MAN1A1: variants seen among roughly 807,000 people sequenced by gnomAD.
The protein encoded by MAN1A1 is mannosidase alpha class 1A member 1, also known as mannosyl-oligosaccharide 1,2-alpha-mannosidase IA.
In MAN1A1, 29 loss-of-function variants were observed where a neutral mutation model predicts 70.8. That is an observed-to-expected ratio of 0.41 (90% CI 0.31 to 0.56). MAN1A1 has a LOEUF of 0.56. MAN1A1 is among the 20% of genes least tolerant of loss of function. The pLI, the probability that MAN1A1 is intolerant of heterozygous loss-of-function variation, is 0.29. For missense variants in MAN1A1, 747 were observed against 841.3 expected (o/e 0.89, Z 1.39); for synonymous variants, 349 against 330.1 (o/e 1.06, Z -0.62).
At chr6:119,301,633 C>T (rs1772391698) in intron 4 of MAN1A1, among the ~76,000 whole-genome samples, 1 of 152,192 alleles carries the variant, frequency 6.6e-6, no homozygotes, top group African/African-American at 2.4e-5. Context: ...TGACACACAA[C>T]CAGCTGTGCA....
chr6:119,198,605 A>T (rs1773636017), intron 8 of MAN1A1, among the ~76,000 whole-genome samples: 1 of 152,240 alleles, frequency 6.6e-6, no homozygotes, highest in Non-Finnish European at 1.5e-5. Context: ...CATGCCCATT[A>T]TGTTAACATA....
chr6:119,260,074 A>T (rs550269647), intron 5 of MAN1A1, among the ~76,000 whole-genome samples: 3 of 152,294 alleles, frequency 2.0e-5, no homozygotes, highest in African/African-American at 7.2e-5. Flanking sequence ...TGTATACAAC[A>T]TTCTATATCA....
chr6:119,205,647 G>T (rs1483464117), intron 6 of MAN1A1, among the ~76,000 whole-genome samples: 1 of 152,154 alleles, frequency 6.6e-6, no homozygotes, highest in African/African-American at 2.4e-5. Context: ...TACACATAAA[G>T]TGACTCCTGA....
At chr6:119,214,523 T>C (rs939678339) in intron 6 of MAN1A1, among the ~76,000 whole-genome samples, 1 of 152,136 alleles carries the variant, frequency 6.6e-6, no homozygotes, top group Non-Finnish European at 1.5e-5. Context: ...TTTTGTATTT[T>C]TGTTTTGTGT....
chr6:119,316,931 A>G (rs1292107459), intron 2 of MAN1A1, among the ~76,000 whole-genome samples: 1 of 150,064 alleles, frequency 6.7e-6, no homozygotes, highest in Non-Finnish European at 1.5e-5. Flanking sequence ...TTTAAATTAC[A>G]TTTTTTTATT....
At chr6:119,229,222 A>C (rs929672918) in intron 6 of MAN1A1, among the ~76,000 whole-genome samples, 18 of 151,994 alleles carry the variant, frequency 1.2e-4, no homozygotes, top group Non-Finnish European at 2.1e-4. Flanking sequence ...GACAAAAAAA[A>C]AAAAAACAAA....
chr6:119,250,539 T>C (rs974200614), intron 5 of MAN1A1, among the ~76,000 whole-genome samples: 1 of 152,206 alleles, frequency 6.6e-6, no homozygotes, highest in Non-Finnish European at 1.5e-5. Flanking sequence ...CAGGTAGTTG[T>C]AGTTTTTATG....
In MAN1A1 at chr6:119,275,277, ATTTTTTTTTTTTTTTTTTTTTTTTTT is replaced by A. The variant is rs869090504; in HGVS notation, c.897+15380_897+15405del. On this transcript the variant is annotated intron_variant, in intron 5 of 12. Coordinates refer to ENST00000368468, the MANE Select transcript of MAN1A1 (RefSeq NM_005907.4). Reference sequence around the variant, plus strand: ...AGGCATGCACCACCATACCCAGCTAATTTTTTTTTTTTTTTTTTTTTTTTTTTTTTTTTTTTTTTTTTTTTTTGAGA... The same window carrying A: ...AGGCATGCACCACCATACCCAGCTAATTTTTTTTTTTTTTTTTTTTTGAGA... Among the ~76,000 whole-genome samples, 137 of 52,876 alleles carry A rather than the reference ATTTTTTTTTTTTTTTTTTTTTTTTTT, an allele frequency of 2.6e-3. 2 individuals are homozygous for A. Among genetic ancestry groups the A allele is most frequent in the African/African-American group, 8.9e-3 (128 of 14,400 alleles). 34.7% of individuals were successfully genotyped at this position (52,876 alleles called of 152,430 possible).
At chr6:119,219,551 A>G (rs1045191987) in intron 6 of MAN1A1, among the ~76,000 whole-genome samples, 15 of 152,210 alleles carry the variant, frequency 9.9e-5, no homozygotes, top group African/African-American at 3.6e-4. Flanking sequence ...ATCTTTTTGG[A>G]TTAAGCAACT....
chr6:119,188,318 A>C, intron 11 of MAN1A1, 87 bp downstream of exon 11: 1 of 1,269,790 alleles, frequency 7.9e-7, no homozygotes, highest in Non-Finnish European at 1.1e-6. Flanking sequence ...AAATTATAGA[A>C]AAGTTGATAA....
At chr6:119,233,749 G>A (rs1774755313) in intron 6 of MAN1A1, among the ~76,000 whole-genome samples, 4 of 152,198 alleles carry the variant, frequency 2.6e-5, no homozygotes, top group Admixed American at 2.0e-4. Context: ...CACAAGAGAT[G>A]CTAGAGATTC....
At chr6:119,304,838 G>A (rs1469852644) in intron 3 of MAN1A1, among the ~76,000 whole-genome samples, 1 of 152,124 alleles carries the variant, frequency 6.6e-6, no homozygotes, top group Non-Finnish European at 1.5e-5. Flanking sequence ...AAGCCAGGTG[G>A]TAAAGAACTT....
chr6:119,186,458 T>C (rs1773294199), intron 11 of MAN1A1, among the ~76,000 whole-genome samples: 1 of 152,112 alleles, frequency 6.6e-6, no homozygotes, highest in Non-Finnish European at 1.5e-5. Flanking sequence ...AATCATATTG[T>C]TCAACTGTGT....
rs755334241 is a variant in MAN1A1, at chr6:119,290,699, T to G, written c.881A>C (p.Tyr294Ser). The G allele has an allele frequency of 1.9e-6, 3 of 1,610,602 alleles. No individual in the cohort carries two copies. The highest frequency in any genetic ancestry group is 2.2e-5 in the South Asian group (2 of 90,778). The change falls in exon 5 of 13, where the codon TAT (tyrosine) becomes TCT (serine). Residue 294 changes from tyrosine to serine, a missense_variant. Coordinates refer to ENST00000368468, the MANE Select transcript of MAN1A1 (RefSeq NM_005907.4). ...TCATCTTACCTCTTCTCCAGACAGA[T>G]AGTAGGCTGAGAGTAGTCCACCAAC... is the stretch of plus-strand genomic sequence containing the variant. ...RFVGGLLSAY[Y>S]LSGEEIFRKK...
chr6:119,188,606 G>C (rs1226887121), intron 10 of MAN1A1, 29 bp from the exon 11 acceptor site: 1 of 1,598,436 alleles, frequency 6.3e-7, no homozygotes. Context: ...ATGAATAAGG[G>C]TTATTTTCCT....
At chr6:119,198,819 T>C (rs1773640827) in intron 8 of MAN1A1, among the ~76,000 whole-genome samples, 1 of 152,204 alleles carries the variant, frequency 6.6e-6, no homozygotes, top group Non-Finnish European at 1.5e-5. Context: ...CACACAGTAA[T>C]ACAGTCAGAA....
At chr6:119,270,397 T>G (rs1432359808) in intron 5 of MAN1A1, among the ~76,000 whole-genome samples, 1 of 152,190 alleles carries the variant, frequency 6.6e-6, no homozygotes, top group Non-Finnish European at 1.5e-5. Context: ...ATCATACAAT[T>G]CACCCATTTA....
At position 119,281,360 on chromosome 6, in the gene MAN1A1, G is replaced by A. The variant is rs551610206; in HGVS notation, c.897+9323C>T. On this transcript the variant is annotated intron_variant, in intron 5 of 12. Transcript: ENST00000368468. Reference sequence around the variant, plus strand: ...CTAACCCAAGTCAGTGGTCGCTGTGGTGGTCATGAATGCTGTTCATCACCA... The same window carrying A: ...CTAACCCAAGTCAGTGGTCGCTGTGATGGTCATGAATGCTGTTCATCACCA... Among the ~76,000 whole-genome samples, 3 of 152,310 alleles carry A rather than the reference G, an allele frequency of 2.0e-5. No homozygotes were observed. The East Asian group carries it at 5.8e-4, about 29-fold the overall frequency.
chr6:119,311,980 C>T lies in MAN1A1; in HGVS notation c.604-4988G>A, dbSNP rs9481907. On this transcript the variant is annotated intron_variant, in intron 2 of 12. Coordinates refer to ENST00000368468, the MANE Select transcript of MAN1A1 (RefSeq NM_005907.4). ...TGGTGTTGGCGGGCTCTTGAATTAA[C>T]GGGTCTCAGCCTGCAGTGAGGAAAT... 3.0e-3 allele frequency among the ~76,000 whole-genome samples: 460 copies of T among 152,230 alleles called. 3 individuals carry two copies. Among genetic ancestry groups the T allele is most frequent in the African/African-American group, 0.011 (438 of 41,520 alleles).
Sources: allele counts gnomAD v4.1 joint callset (sites outside exome capture counted in the v4.1 genomes callset), GRCh38; gene constraint gnomAD v4.1.1; transcripts MANE v1.5; gene names NCBI Gene and HGNC (gene_info 2026-07-23, HGNC 2026-07-21).